Variants in TAFA5 observed in about 807,000 individuals in gnomAD.
The protein encoded by TAFA5 is TAFA chemokine like family member 5, also known as chemokine-like protein TAFA-5.
A neutral mutation model predicts 15.3 loss-of-function variants in TAFA5; 6 were observed. That is an observed-to-expected ratio of 0.39 (90% CI 0.21 to 0.77). TAFA5 has a LOEUF of 0.77. TAFA5 is among the 30% of genes least tolerant of loss of function. TAFA5 has a pLI of 0.41. For synonymous variants in TAFA5, 103 were observed against 80.7 expected, an observed-to-expected ratio of 1.28 and a Z score of -1.48; for missense variants, 161 against 193.1, an observed-to-expected ratio of 0.83 and a Z score of 0.98.
chr22:48,629,709 GCA>G (rs894813981), intron 1 of TAFA5, among the ~76,000 whole-genome samples: 4 of 152,200 alleles, frequency 2.6e-5, no homozygotes, highest in Non-Finnish European at 5.9e-5. Context: ...ACAGTCCCCA[GCA>G]CAGAGACCCA....
intron 1 of TAFA5, among the ~76,000 whole-genome samples, chr22:48,555,131 T>G (rs927381718): frequency 3.3e-5 from 5 of 152,186 alleles, no homozygotes; most frequent in African/African-American, 9.7e-5. Context: ...CACCACTGTC[T>G]CTTAGCAAAC....
chr22:48,661,115 G>A (rs957873027), intron 2 of TAFA5, among the ~76,000 whole-genome samples: 18 of 152,188 alleles, frequency 1.2e-4, no homozygotes, highest in Admixed American at 1.2e-3. Flanking sequence ...ATGAGAGCAC[G>A]TACGGGGTGT....
chr22:48,710,721 A>G (rs538134966), intron 3 of TAFA5, among the ~76,000 whole-genome samples: 1 of 152,304 alleles, frequency 6.6e-6, no homozygotes, highest in South Asian at 2.1e-4. Flanking sequence ...GGCACCTGGG[A>G]TATTCCAGAG....
In TAFA5 at chr22:48,566,024, G is replaced by A. The variant is rs1180398687; in HGVS notation, c.112+76320G>A. On this transcript the variant is annotated intron_variant, in intron 1 of 3. Transcript: ENST00000402357. This position sits in a 1 kb window ranked among gnomAD's most constrained non-coding sequence, Gnocchi z 4.5. ...TATGATGGATGGATTGTGGCTAGAT[G>A]GATGACGGATAGATGATGAGCTGAT... Among the ~76,000 whole-genome samples the A allele has an allele frequency of 6.6e-6, 1 of 151,722 alleles. No individual in the cohort carries two copies. The highest frequency in any genetic ancestry group is 2.4e-5 in the African/African-American group (1 of 41,298).
intron 2 of TAFA5, among the ~76,000 whole-genome samples, chr22:48,702,864 TG>T (rs1928956158): frequency 2.0e-5 from 3 of 152,316 alleles, no homozygotes; most frequent in East Asian, 3.9e-4. Context: ...GGAAGTGGGC[TG>T]GGGTGGGTGA....
intron 3 of TAFA5, among the ~76,000 whole-genome samples, chr22:48,746,208 T>C (rs958220090): frequency 6.6e-6 from 1 of 151,976 alleles, no homozygotes; most frequent in Non-Finnish European, 1.5e-5. Context: ...CTTTCTGCTC[T>C]CAGTGAAGTC....
intron 1 of TAFA5, among the ~76,000 whole-genome samples, chr22:48,604,458 C>T (rs2147167716): frequency 6.6e-6 from 1 of 152,316 alleles, no homozygotes; most frequent in South Asian, 2.1e-4. Context: ...TGGCTCCCGC[C>T]CAGCAGGGAC....
intron 3 of TAFA5, among the ~76,000 whole-genome samples, chr22:48,716,949 C>T (rs962594655): frequency 1.4e-4 from 21 of 152,238 alleles, no homozygotes; most frequent in African/African-American, 4.8e-4. Flanking sequence ...AAAATTGATT[C>T]AGGAGTTCTG....
intron 1 of TAFA5, among the ~76,000 whole-genome samples, chr22:48,575,830 C>G (rs1267919062): frequency 7.0e-6 from 1 of 142,630 alleles, no homozygotes; most frequent in East Asian, 2.1e-4. Flanking sequence ...GCGGCAGCCC[C>G]GCGCCCGGCG....
intron 1 of TAFA5, among the ~76,000 whole-genome samples, chr22:48,580,663 G>T (rs997556598): frequency 3.9e-5 from 6 of 152,210 alleles, no homozygotes; most frequent in Admixed American, 3.3e-4. Flanking sequence ...CACGCGGTGT[G>T]TGTGGAAGGA....
intron 3 of TAFA5, among the ~76,000 whole-genome samples, chr22:48,715,213 C>A (rs905097560): frequency 3.9e-5 from 6 of 152,364 alleles, no homozygotes; most frequent in African/African-American, 1.4e-4. Flanking sequence ...GCCACAGGGC[C>A]CTTCTGTGAA....
At chr22:48,699,530 G>A (rs1320552279) in intron 2 of TAFA5, among the ~76,000 whole-genome samples, 2 of 152,122 alleles carry the variant, frequency 1.3e-5, no homozygotes, top group African/African-American at 4.8e-5. Context: ...ATTTCCCCGC[G>A]TTCCGTTCAG....
intron 1 of TAFA5, among the ~76,000 whole-genome samples, chr22:48,510,813 T>A (rs1921182803): frequency 6.6e-6 from 1 of 152,270 alleles, no homozygotes; most frequent in African/African-American, 2.4e-5. Context: ...GTTCCTGCTG[T>A]TTCCTGACCT....
intron 2 of TAFA5, among the ~76,000 whole-genome samples, chr22:48,689,706 C>T (rs1239440058): frequency 1.3e-5 from 2 of 152,134 alleles, no homozygotes; most frequent in African/African-American, 4.8e-5. Flanking sequence ...GCTCCCTGGG[C>T]CAGCCCAGCT....
chr22:48,713,218 T>TCATGG (rs1356037467), intron 3 of TAFA5, among the ~76,000 whole-genome samples: 1 of 152,196 alleles, frequency 6.6e-6, no homozygotes, highest in African/African-American at 2.4e-5. Flanking sequence ...AACTCGTATT[T>TCATGG]CATGGCAACT....
chr22:48,489,753 C>T lies in TAFA5; in HGVS notation c.112+49C>T, dbSNP rs1407781207. The T allele has an allele frequency of 8.4e-7, 1 of 1,193,980 alleles. No homozygotes were observed. The highest frequency in any genetic ancestry group is 2.2e-5 in the South Asian group (1 of 46,494). The allele number at this position is 1,193,980 out of a possible 1,614,324, so 74.0% of individuals were successfully genotyped here. A position where few individuals can be genotyped will look rare whatever the true frequency, so the allele number is the denominator to read the frequency against. ...CCGGCACGGCCCTCTGGGCCCCGGA[C>T]CCCCTCCTCCGGCCCCGGCAGGCGC... On this transcript the variant is annotated intron_variant, in intron 1 of 3. Coordinates refer to ENST00000402357, the MANE Select transcript of TAFA5 (RefSeq NM_001082967.3). This position sits in a 1 kb window ranked among gnomAD's most constrained non-coding sequence, Gnocchi z 5.5.
At position 48,566,473 on chromosome 22, in the gene TAFA5, T is replaced by C. The variant is rs1320882591; in HGVS notation, c.112+76769T>C. ...GATTGATGGAGGGATGGATGTTGGA[T>C]GGGTGGATGACAGATGGATGGATGA... On this transcript the variant is annotated intron_variant, in intron 1 of 3. Coordinates refer to ENST00000402357, the MANE Select transcript of TAFA5 (RefSeq NM_001082967.3). The surrounding 1 kb of genome is among the most constrained non-coding windows in gnomAD (Gnocchi z 4.5). 6.6e-6 allele frequency among the ~76,000 whole-genome samples: 1 copy of C among 151,988 alleles called. No homozygotes were observed. The highest frequency in any genetic ancestry group is 2.4e-5 in the African/African-American group (1 of 41,360).
At chr22:48,571,608 C>CTTTTTTTTTTTTTT (rs1601586303) in intron 1 of TAFA5, among the ~76,000 whole-genome samples, 4 of 33,534 alleles carry the variant, frequency 1.2e-4, no homozygotes, top group Admixed American at 4.5e-4. Context: ...TTTTTTTTTG[C>CTTTTTTTTTTTTTT]TTTAAAAAAA....
In TAFA5 at chr22:48,566,189, G is replaced by GGATGGGTGGATGGTGGAT. The variant is rs1923402586; in HGVS notation, c.112+76500_112+76517dup. Among the ~76,000 whole-genome samples, 4 of 152,014 alleles carry GGATGGGTGGATGGTGGAT rather than the reference G, an allele frequency of 2.6e-5. No homozygotes were observed. In the East Asian group the frequency reaches 7.7e-4, roughly 29 times the overall value. On this transcript the variant is annotated intron_variant, in intron 1 of 3. Transcript: ENST00000402357. This position sits in a 1 kb window ranked among gnomAD's most constrained non-coding sequence, Gnocchi z 4.5. ...GGTGATGGGTGGATGGATGGTGGATGGATGGGTGGATGGTGGATGATGGGT... is the reference window on the plus strand; with the variant it reads ...GGTGATGGGTGGATGGATGGTGGATGGATGGGTGGATGGTGGATGATGGGTGGATGGTGGATGATGGGT...
Sources: gnomAD v4.1 joint callset for allele counts (sites outside exome capture counted in the v4.1 genomes callset) on GRCh38, gnomAD v4.1.1 for gene constraint, Gnocchi (gnomAD v3.1) non-coding constraint, MANE v1.5 for transcripts, NCBI Gene and HGNC (gene_info 2026-07-23, HGNC 2026-07-21) for gene names.